The following HDAC4 variants were observed in gnomAD, a reference collection of about 807,000 sequenced individuals.
HDAC4 encodes histone deacetylase A.
A neutral mutation model predicts 135.1 loss-of-function variants in HDAC4; 16 were observed. The ratio of observed to expected loss-of-function variants is 0.12; its 90% CI spans 0.08 to 0.18. The LOEUF (loss-of-function observed/expected upper bound fraction) is 0.18, where lower values mean the gene tolerates loss of function less well. Ranked by LOEUF, HDAC4 falls within the 10% of genes least tolerant of loss-of-function variation. HDAC4 has a pLI of 1.00. For missense variants in HDAC4, 1,143 were observed against 1,511.8 expected, an observed-to-expected ratio of 0.76 and a Z score of 4.05; for synonymous variants, 685 against 653.4, an observed-to-expected ratio of 1.05 and a Z score of -0.74.
chr2:239,372,384 C>T (rs1344499438), intron 1 of HDAC4, among the ~76,000 whole-genome samples: 1 of 152,256 alleles, frequency 6.6e-6, no homozygotes, highest in Admixed American at 6.5e-5. Context: ...GTCGTTGTTA[C>T]CACAAGAGTA....
rs1360200046 is a variant in HDAC4 at position 239,167,339 on chromosome 2, G to A, written c.491-3416C>T. Among the ~76,000 whole-genome samples the A allele has an allele frequency of 2.0e-5, 3 of 152,192 alleles. No individual in the cohort carries two copies. The highest frequency in any genetic ancestry group is 4.4e-5 in the Non-Finnish European group (3 of 68,028). On this transcript the variant is annotated intron_variant, in intron 5 of 26. Transcript: ENST00000543185. The surrounding 1 kb of genome is among the most constrained non-coding windows in gnomAD (Gnocchi z 4.1). ...CAAACACCATTCGGTGGCAAAGGGT[G>A]ACTTGGCCACAAGCCTGGGTCCTGC...
intron 12 of HDAC4, among the ~76,000 whole-genome samples, chr2:239,120,382 G>GGCTCACACAGACGCACACACAGAC (rs2039537943): frequency 6.7e-6 from 1 of 149,956 alleles, no homozygotes; most frequent in African/African-American, 2.5e-5. Context: ...TACCCGCAGA[G>GGCTCACACAGACGCACACACAGAC]GCACACACAG....
At chr2:239,345,711 AAC>A (rs1371359905) in intron 2 of HDAC4, among the ~76,000 whole-genome samples, 3 of 145,550 alleles carry the variant, frequency 2.1e-5, no homozygotes, top group Non-Finnish European at 4.5e-5. Context: ...CACTCACCCT[AAC>A]ACACACACCC....
chr2:239,384,536 G>C (rs983317881), intron 1 of HDAC4, among the ~76,000 whole-genome samples: 3 of 151,632 alleles, frequency 2.0e-5, no homozygotes, highest in African/African-American at 7.3e-5. Flanking sequence ...CAGATGGAGA[G>C]AGCCCAAGAG....
At chr2:239,104,357 T>C (rs527268004) in intron 15 of HDAC4, among the ~76,000 whole-genome samples, 1 of 152,294 alleles carries the variant, frequency 6.6e-6, no homozygotes, top group East Asian at 1.9e-4. Context: ...GCCTCCTGAG[T>C]AGCTGGGATT....
intron 2 of HDAC4, among the ~76,000 whole-genome samples, chr2:239,318,276 G>A (rs1482571292): frequency 6.6e-6 from 1 of 152,230 alleles, no homozygotes; most frequent in African/African-American, 2.4e-5. Flanking sequence ...AAATACTGCG[G>A]TGGCCGCCAA....
At chr2:239,195,885 A>T (rs1230478267) in intron 3 of HDAC4, among the ~76,000 whole-genome samples, 1 of 152,222 alleles carries the variant, frequency 6.6e-6, no homozygotes. Context: ...AAAACCTGTT[A>T]GTCTCTCTCT....
At chr2:239,083,693 T>C (rs747843738) in intron 20 of HDAC4, among the ~76,000 whole-genome samples, 1 of 152,192 alleles carries the variant, frequency 6.6e-6, no homozygotes, top group African/African-American at 2.4e-5. Context: ...ATGACTCTTT[T>C]GGGGGCAGTG....
intron 2 of HDAC4, among the ~76,000 whole-genome samples, chr2:239,291,106 A>T (rs2051464743): frequency 6.6e-6 from 1 of 152,238 alleles, no homozygotes; most frequent in African/African-American, 2.4e-5. Flanking sequence ...AAGCACTTTC[A>T]AACAGAAATC....
At chr2:239,305,070 C>T (rs1396314237) in intron 2 of HDAC4, among the ~76,000 whole-genome samples, 1 of 152,168 alleles carries the variant, frequency 6.6e-6, no homozygotes, top group East Asian at 1.9e-4. Context: ...TCTTAGACAG[C>T]CTTTGCAGGG....
intron 14 of HDAC4, among the ~76,000 whole-genome samples, chr2:239,110,990 G>A (rs2038617104): frequency 1.3e-5 from 2 of 152,344 alleles, no homozygotes; most frequent in East Asian, 1.9e-4. Flanking sequence ...CTGGCAGATC[G>A]CCTCCCCGGG....
At chr2:239,317,255 CAGCCGGTGGCCTTTGTGAGGCTG>C (rs1354020135) in intron 2 of HDAC4, among the ~76,000 whole-genome samples, 3 of 152,028 alleles carry the variant, frequency 2.0e-5, no homozygotes, top group Non-Finnish European at 4.4e-5. Flanking sequence ...AGGAGAAGGC[CAGCCGGTGGCCTTTGTGAGGCTG>C]GGCTGGAAGT....
intron 1 of HDAC4, among the ~76,000 whole-genome samples, chr2:239,377,653 T>C (rs1190873319): frequency 6.6e-6 from 1 of 152,198 alleles, no homozygotes; most frequent in African/African-American, 2.4e-5. Context: ...AGGGCCACAG[T>C]CTCACCACTG....
intron 2 of HDAC4, among the ~76,000 whole-genome samples, chr2:239,284,099 T>C (rs1201345957): frequency 6.6e-6 from 1 of 152,216 alleles, no homozygotes; most frequent in East Asian, 1.9e-4. Flanking sequence ...CCAGTGGCTT[T>C]CCACGTCTCT....
chr2:239,319,567 C>T (rs1271085120), intron 2 of HDAC4, among the ~76,000 whole-genome samples: 5 of 152,140 alleles, frequency 3.3e-5, no homozygotes, highest in Non-Finnish European at 7.4e-5. Flanking sequence ...ACCCGTGACC[C>T]GGCACTCCCA....
chr2:239,112,274 C>A (rs2038746245), intron 13 of HDAC4, among the ~76,000 whole-genome samples: 1 of 152,220 alleles, frequency 6.6e-6, no homozygotes, highest in Admixed American at 6.5e-5. Context: ...AAGCCCAACC[C>A]CCTTGTTGGG....
At chr2:239,335,908 A>G (rs1223205062) in intron 2 of HDAC4, among the ~76,000 whole-genome samples, 2 of 152,260 alleles carry the variant, frequency 1.3e-5, no homozygotes, top group East Asian at 3.8e-4. Flanking sequence ...TTGCATACTT[A>G]TATGAACCAA....
chr2:239,090,853 A>G (rs1041710142), intron 17 of HDAC4, among the ~76,000 whole-genome samples: 31 of 152,360 alleles, frequency 2.0e-4, no homozygotes, highest in African/African-American at 6.5e-4. Context: ...GACCTGTCAA[A>G]TAATTAGCAG....
chr2:239,325,600 A>G (rs746451258), intron 2 of HDAC4, among the ~76,000 whole-genome samples: 2 of 152,242 alleles, frequency 1.3e-5, no homozygotes, highest in African/African-American at 4.8e-5. Flanking sequence ...AGAAATTGGA[A>G]CCCTCATACG....
Sources: gnomAD v4.1 joint callset for allele counts (sites outside exome capture counted in the v4.1 genomes callset) on GRCh38, gnomAD v4.1.1 for gene constraint, Gnocchi (gnomAD v3.1) non-coding constraint, MANE v1.5 for transcripts, NCBI Gene and HGNC (gene_info 2026-07-23, HGNC 2026-07-21) for gene names.